The following GLI3 variants were observed in gnomAD, a reference collection of about 807,000 sequenced individuals.
GLI3 encodes GLI family zinc finger 3.
In GLI3, 20 loss-of-function variants were observed where a neutral mutation model predicts 100.8. The observed-to-expected ratio is 0.20, with a 90% confidence interval of 0.14 to 0.29. The LOEUF (loss-of-function observed/expected upper bound fraction) is 0.29. Among genes scored for constraint, GLI3 ranks in the 10% least tolerant of loss-of-function variants. The pLI is 1.00. For missense variants in GLI3, 2,040 were observed against 2,128.5 expected, an observed-to-expected ratio of 0.96 and a Z score of 0.82; for synonymous variants, 938 against 860.5, an observed-to-expected ratio of 1.09 and a Z score of -1.58.
chr7:42,247,362 A>C (rs546399146), intron 1 of GLI3, among the ~76,000 whole-genome samples: 2 of 152,170 alleles, frequency 1.3e-5, no homozygotes, highest in Non-Finnish European at 2.9e-5. Context: ...AACACCACTG[A>C]TGTGGTGATC....
At chr7:42,209,766 T>C (rs571350408) in intron 2 of GLI3, among the ~76,000 whole-genome samples, 1 of 151,750 alleles carries the variant, frequency 6.6e-6, no homozygotes, top group East Asian at 1.9e-4. Context: ...CACATCATGT[T>C]GTATATGAGA....
At chr7:42,026,655 TA>T (rs761844505) in intron 7 of GLI3, among the ~76,000 whole-genome samples, 3 of 152,126 alleles carry the variant, frequency 2.0e-5, no homozygotes, top group Non-Finnish European at 4.4e-5. Flanking sequence ...AAAACGGAAA[TA>T]AAAGGCATCA....
At chr7:42,095,179 T>C (rs568013964) in intron 3 of GLI3, among the ~76,000 whole-genome samples, 5 of 152,294 alleles carry the variant, frequency 3.3e-5, no homozygotes, top group East Asian at 3.9e-4. Context: ...GCAGAGCTTG[T>C]TACAATGAAG....
intron 2 of GLI3, among the ~76,000 whole-genome samples, chr7:42,197,328 T>C (rs950545528): frequency 6.6e-6 from 1 of 152,188 alleles, no homozygotes; most frequent in Non-Finnish European, 1.5e-5. Flanking sequence ...TACCAACCAA[T>C]AGGCCTCACC....
At chr7:42,016,686 A>AATCATCATCATCACCACCATCATCATC (rs923806474) in intron 10 of GLI3, among the ~76,000 whole-genome samples, 4 of 152,012 alleles carry the variant, frequency 2.6e-5, no homozygotes, top group African/African-American at 7.3e-5. Context: ...ATTCTTCTCA[A>AATCATCATCATCACCACCATCATCATC]ATCATCATCA....
At chr7:42,074,377 C>T (rs929250570) in intron 4 of GLI3, among the ~76,000 whole-genome samples, 1 of 152,220 alleles carries the variant, frequency 6.6e-6, no homozygotes, top group African/African-American at 2.4e-5. Flanking sequence ...ATGTGAGTGT[C>T]CACTGAGCAC....
chr7:42,135,562 C>G (rs888508579), intron 3 of GLI3, among the ~76,000 whole-genome samples: 3 of 152,164 alleles, frequency 2.0e-5, no homozygotes, highest in Non-Finnish European at 2.9e-5. Context: ...TCCCAGTGGT[C>G]TTCTTCTTAC....
In GLI3 at chr7:41,966,290, C is replaced by A. The variant is rs1408670754; in HGVS notation, c.2783G>T (p.Arg928Leu). Residue 928 changes from arginine to leucine, a missense_variant, in exon 15 of 15, where the codon CGC (arginine) becomes CTC (leucine). Physicochemically the swap from Arg to Leu is moderately radical, Grantham distance 102. Around this residue, in one of 5 missense-constraint regions of GLI3, gnomAD observed 1,041 missense variants for 924.0 expected, o/e 1.13. Transcript: ENST00000395925. This position sits in a 1 kb window ranked among gnomAD's most constrained non-coding sequence, Gnocchi z 5.8. ...LLSLTPAQQY[R>L]LKAKYAAATG... The stretch of plus-strand genomic sequence containing the variant: ...GGCAGCCGCGTACTTGGCCTTGAGG[C>A]GGTACTGCTGGGCGGGCGTGAGGCT... The A allele has an allele frequency of 1.2e-6, 2 of 1,608,084 alleles. No individual in the cohort carries two copies. Among genetic ancestry groups the A allele is most frequent in the African/African-American group, 1.3e-5 (1 of 75,016 alleles).
chr7:42,039,115 A>G (rs1187813527), intron 7 of GLI3, among the ~76,000 whole-genome samples: 1 of 152,242 alleles, frequency 6.6e-6, no homozygotes, highest in Non-Finnish European at 1.5e-5. Context: ...TGAGAGTTTA[A>G]AGTTTATAAC....
At chr7:42,248,251 C>T (rs765678874) in intron 1 of GLI3, among the ~76,000 whole-genome samples, 1 of 152,114 alleles carries the variant, frequency 6.6e-6, no homozygotes, top group African/African-American at 2.4e-5. Flanking sequence ...AGCAAATCAT[C>T]ATAAAGTTGC....
chr7:42,044,772 T>A (rs571444719), intron 6 of GLI3, among the ~76,000 whole-genome samples: 2 of 152,300 alleles, frequency 1.3e-5, no homozygotes, highest in South Asian at 4.1e-4. Flanking sequence ...AGGTATTTTT[T>A]AAAATTAATT....
chr7:41,992,872 G>T (rs1788026910), intron 10 of GLI3, among the ~76,000 whole-genome samples: 1 of 152,194 alleles, frequency 6.6e-6, no homozygotes, highest in Non-Finnish European at 1.5e-5. Flanking sequence ...CTAGCAATAT[G>T]TTGGAGTGTG....
chr7:42,205,922 CCAATATAATTACAA>C (rs1788142216), intron 2 of GLI3, among the ~76,000 whole-genome samples: 2 of 152,078 alleles, frequency 1.3e-5, no homozygotes, highest in African/African-American at 4.8e-5. Context: ...CTTCCCACAG[CCAATATAATTACAA>C]TAAAGCCCAA....
chr7:42,079,471 G>A (rs1269088867), intron 3 of GLI3, among the ~76,000 whole-genome samples: 2 of 152,162 alleles, frequency 1.3e-5, no homozygotes, highest in African/African-American at 4.8e-5. Context: ...ATATGGGGGT[G>A]GCTCTTCTTT....
rs5883819 is a variant in GLI3, at chr7:42,214,533, GA to G, written c.124+8596del. Among the ~76,000 whole-genome samples, 1,016 of 142,290 alleles carry G rather than the reference GA, an allele frequency of 7.1e-3. 13 individuals carry two copies. Among genetic ancestry groups the G allele is most frequent in the African/African-American group, 0.025 (954 of 38,542 alleles). The allele number at this position is 142,290 out of a possible 152,430, so 93.3% of individuals were successfully genotyped here. A position where few individuals can be genotyped will look rare whatever the true frequency, so the allele number is the denominator to read the frequency against. ...AAGAAAGGGAAAAAAGAGCAAGCAA[GA>G]AAAAAAAAAATAACAGCCTAAATTG... On this transcript the variant is annotated intron_variant, in intron 2 of 14. Transcript: ENST00000395925.
At chr7:42,223,660 G>A (rs1214813660) in intron 1 of GLI3, among the ~76,000 whole-genome samples, 1 of 152,204 alleles carries the variant, frequency 6.6e-6, no homozygotes. Context: ...TCTTCAGGTG[G>A]CCAACTTTAC....
intron 2 of GLI3, among the ~76,000 whole-genome samples, chr7:42,205,489 C>T (rs563512010): frequency 6.6e-6 from 1 of 152,310 alleles, no homozygotes; most frequent in Admixed American, 6.5e-5. Flanking sequence ...AGTCACCAAA[C>T]AACAGATGCC....
intron 3 of GLI3, among the ~76,000 whole-genome samples, chr7:42,089,389 T>G (rs1024242391): frequency 6.6e-6 from 1 of 152,172 alleles, no homozygotes; most frequent in South Asian, 2.1e-4. Context: ...AACAAAACAT[T>G]TGAAACAAAG....
chr7:42,033,383 G>T (rs1220270635), intron 7 of GLI3, among the ~76,000 whole-genome samples: 2 of 152,204 alleles, frequency 1.3e-5, no homozygotes, highest in African/African-American at 4.8e-5. Context: ...GTATCAGGAT[G>T]TATTCCTTTA....
Sources: gnomAD v4.1 joint callset for allele counts (sites outside exome capture counted in the v4.1 genomes callset) on GRCh38, gnomAD v4.1.1 for gene constraint, gnomAD v4.1.1 regional missense constraint, Gnocchi (gnomAD v3.1) non-coding constraint, MANE v1.5 for transcripts, NCBI Gene and HGNC (gene_info 2026-07-23, HGNC 2026-07-21) for gene names.